RBFOX1: variants seen among roughly 807,000 people sequenced by gnomAD.
RBFOX1 encodes the protein RNA binding protein fox-1 homolog 1.
In RBFOX1, 8 loss-of-function variants were observed where a neutral mutation model predicts 57.7. The observed-to-expected ratio is 0.14, with a 90% confidence interval of 0.08 to 0.25. The LOEUF is 0.25. Among genes scored for constraint, RBFOX1 ranks in the 10% least tolerant of loss-of-function variants. The probability of loss-of-function intolerance (pLI) is 1.00; values close to 1 mark genes in which losing one functional copy is unlikely to be tolerated. For missense variants in RBFOX1, 611 were observed against 548.5 expected, an observed-to-expected ratio of 1.11 and a Z score of -1.14; for synonymous variants, 326 against 222.4, an observed-to-expected ratio of 1.47 and a Z score of -4.15.
intron 3 of RBFOX1, among the ~76,000 whole-genome samples, chr16:5,638,831 A>T (rs540322898): frequency 2.2e-4 from 33 of 152,286 alleles, no homozygotes; most frequent in African/African-American, 7.7e-4. Flanking sequence ...GCTCAGAGAA[A>T]GCCATGAGGG....
chr16:5,934,612 A>G (rs1393081835), intron 4 of RBFOX1, among the ~76,000 whole-genome samples: 1 of 152,210 alleles, frequency 6.6e-6, no homozygotes, highest in African/African-American at 2.4e-5. Context: ...AATGTTCCCA[A>G]CACAAAGAAA....
chr16:7,158,160 A>G (rs2077524832), intron 4 of RBFOX1, among the ~76,000 whole-genome samples: 1 of 152,118 alleles, frequency 6.6e-6, no homozygotes, highest in South Asian at 2.1e-4. Context: ...CAGCCTGGCC[A>G]ACATGGTGAA....
intron 2 of RBFOX1, among the ~76,000 whole-genome samples, chr16:5,507,285 G>A (rs188158361): frequency 2.3e-3 from 352 of 152,254 alleles, no homozygotes; most frequent in Middle Eastern, 6.8e-3. Context: ...ATTGGAGATG[G>A]TTTCCTTTAT....
chr16:6,428,199 T>A (rs534499205), intron 2 of RBFOX1, among the ~76,000 whole-genome samples: 1 of 147,366 alleles, frequency 6.8e-6, no homozygotes, highest in African/African-American at 2.5e-5. Flanking sequence ...GGTGGGAGGA[T>A]CACTTGAGCC....
intron 5 of RBFOX1, among the ~76,000 whole-genome samples, chr16:7,569,255 G>T (rs1486693167): frequency 1.3e-5 from 2 of 152,188 alleles, no homozygotes; most frequent in Non-Finnish European, 2.9e-5. Flanking sequence ...CAGTTCTGGA[G>T]ATCAGAAGTG....
chr16:7,021,240 C>T (rs559217671), intron 3 of RBFOX1, among the ~76,000 whole-genome samples: 3 of 151,592 alleles, frequency 2.0e-5, no homozygotes, highest in South Asian at 4.2e-4. Flanking sequence ...TGTGTTGCGT[C>T]GGCCCCCACC....
intron 3 of RBFOX1, among the ~76,000 whole-genome samples, chr16:5,691,145 T>C (rs1385102701): frequency 6.6e-6 from 1 of 152,248 alleles, no homozygotes; most frequent in Non-Finnish European, 1.5e-5. Context: ...TGTTAAGTTT[T>C]CCCTTATGTT....
intron 2 of RBFOX1, among the ~76,000 whole-genome samples, chr16:6,476,672 T>C (rs2095277701): frequency 6.6e-6 from 1 of 152,154 alleles, no homozygotes; most frequent in South Asian, 2.1e-4. Context: ...GTAGTTGTGG[T>C]AGTTGCTGAA....
intron 3 of RBFOX1, among the ~76,000 whole-genome samples, chr16:6,844,792 C>T (rs572612592): frequency 6.6e-6 from 1 of 152,308 alleles, no homozygotes; most frequent in Admixed American, 6.5e-5. Flanking sequence ...AACTAATTTA[C>T]ACTGCCTCCA....
At chr16:5,412,282 A>G (rs1387327188) in intron 1 of RBFOX1, among the ~76,000 whole-genome samples, 1 of 152,192 alleles carries the variant, frequency 6.6e-6, no homozygotes, top group Non-Finnish European at 1.5e-5. Flanking sequence ...ACCAACTCAG[A>G]GTTATGGTTG....
chr16:5,807,740 A>C (rs79966860), intron 3 of RBFOX1, among the ~76,000 whole-genome samples: 3 of 152,264 alleles, frequency 2.0e-5, no homozygotes, highest in South Asian at 2.1e-4. Context: ...AACAGACTCA[A>C]GAAGGAGCTG....
chr16:5,635,060 A>AGG (rs2048637908), intron 3 of RBFOX1, among the ~76,000 whole-genome samples: 1 of 152,160 alleles, frequency 6.6e-6, no homozygotes, highest in Non-Finnish European at 1.5e-5. Flanking sequence ...AAAGAGATGG[A>AGG]GGGGAAATAT....
intron 3 of RBFOX1, among the ~76,000 whole-genome samples, chr16:5,679,713 A>C (rs1317836895): frequency 1.3e-5 from 2 of 152,184 alleles, no homozygotes; most frequent in Admixed American, 1.3e-4. Flanking sequence ...TAGTATGGTG[A>C]TTAAAATAAT....
intron 2 of RBFOX1, among the ~76,000 whole-genome samples, chr16:6,350,444 G>GAAAAAAAAAAAAAAAAAAAAA (rs569363563): frequency 1.3e-5 from 1 of 74,666 alleles, no homozygotes; most frequent in Admixed American, 1.6e-4. Flanking sequence ...TCTGTCTCAA[G>GAAAAAAAAAAAAAAAAAAAAA]AAAAAAAAAA....
Position 6,218,277 on chromosome 16 carries a change from TTTTATTTA to T in RBFOX1, c.-126-98697_-126-98690del, listed in dbSNP as rs57435796. Among the ~76,000 whole-genome samples, 1,284 of 150,776 alleles carry T rather than the reference TTTTATTTA, an allele frequency of 8.5e-3. 23 individuals are homozygous for T. Among genetic ancestry groups the T allele is most frequent in the African/African-American group, 0.028 (1,147 of 41,046 alleles). ...ACTATAAACAGGACTAGTGAAGTCT[TTTTATTTA>T]TTTATTTATTTATTTATTTACTTAT... On this transcript the variant is annotated intron_variant, in intron 1 of 15. Transcript: ENST00000550418.
At chr16:5,692,702 G>T (rs988477699) in intron 3 of RBFOX1, among the ~76,000 whole-genome samples, 1 of 152,098 alleles carries the variant, frequency 6.6e-6, no homozygotes, top group Non-Finnish European at 1.5e-5. Flanking sequence ...TCATCTAGTA[G>T]TTCTTTGTGT....
At chr16:6,518,388 G>T (rs185357225) in intron 2 of RBFOX1, among the ~76,000 whole-genome samples, 1 of 152,264 alleles carries the variant, frequency 6.6e-6, no homozygotes, top group Non-Finnish European at 1.5e-5. Context: ...TCAAGTTGGG[G>T]GTCATGGGGA....
intron 1 of RBFOX1, among the ~76,000 whole-genome samples, chr16:6,184,512 C>G (rs550921341): frequency 3.3e-5 from 5 of 152,056 alleles, no homozygotes; most frequent in South Asian, 4.2e-4. Context: ...ATGGTTTGAA[C>G]GTGAGATGTG....
At chr16:5,438,676 G>A (rs922623999) in intron 1 of RBFOX1, among the ~76,000 whole-genome samples, 1 of 152,150 alleles carries the variant, frequency 6.6e-6, no homozygotes, top group African/African-American at 2.4e-5. Context: ...CTTATGGGAA[G>A]CAAGGGTCAC....
Sources: allele counts gnomAD v4.1 joint callset (sites outside exome capture counted in the v4.1 genomes callset), GRCh38; gene constraint gnomAD v4.1.1; transcripts MANE v1.5; gene names NCBI Gene and HGNC (gene_info 2026-07-23, HGNC 2026-07-21).